The following FSTL5 variants were observed in gnomAD, a reference collection of about 807,000 sequenced individuals.
FSTL5 encodes follistatin like 5, also known as follistatin-related protein 5.
FSTL5 carries 62 observed loss-of-function variants against 89.1 expected under a neutral mutation model. The observed-to-expected ratio is 0.70, with a 90% CI of 0.57 to 0.86. The LOEUF (loss-of-function observed/expected upper bound fraction) is 0.86, where lower values mean the gene tolerates loss of function less well. FSTL5 is among the 40% of genes least tolerant of loss of function. The pLI, the probability that FSTL5 is intolerant of heterozygous loss-of-function variation, is 0.00. For synonymous variants in FSTL5, 383 were observed against 346.2 expected (o/e 1.11, Z -1.18); for missense variants, 1,057 against 1,001.6 (o/e 1.06, Z -0.75).
chr4:161,514,531 T>A (rs1730752218), intron 10 of FSTL5, among the ~76,000 whole-genome samples: 1 of 152,144 alleles, frequency 6.6e-6, no homozygotes, highest in South Asian at 2.1e-4. Flanking sequence ...CAGGTGATAG[T>A]TACACTAAAA....
intron 15 of FSTL5, among the ~76,000 whole-genome samples, chr4:161,418,067 G>T (rs1187936938): frequency 6.6e-6 from 1 of 152,140 alleles, no homozygotes; most frequent in Non-Finnish European, 1.5e-5. Context: ...CCCAATGTCT[G>T]GGTGGGTTTA....
chr4:161,735,653 G>A (rs929058397), intron 6 of FSTL5, among the ~76,000 whole-genome samples: 41 of 152,038 alleles, frequency 2.7e-4, no homozygotes, highest in Admixed American at 1.6e-3. Context: ...CATGCGTATA[G>A]TATAAATACT....
chr4:161,515,027 A>T (rs1730768298), intron 10 of FSTL5, among the ~76,000 whole-genome samples: 1 of 152,136 alleles, frequency 6.6e-6, no homozygotes, highest in Non-Finnish European at 1.5e-5. Context: ...AGATGAAGAT[A>T]ATGAATACTA....
At chr4:161,935,944 A>G (rs1013994284) in intron 3 of FSTL5, among the ~76,000 whole-genome samples, 7 of 152,168 alleles carry the variant, frequency 4.6e-5, no homozygotes, top group African/African-American at 1.7e-4. Flanking sequence ...GCACTTTAAG[A>G]GGCCAAGGCA....
chr4:161,809,999 G>C (rs1015354693), intron 4 of FSTL5, among the ~76,000 whole-genome samples: 1 of 152,062 alleles, frequency 6.6e-6, no homozygotes, highest in Non-Finnish European at 1.5e-5. Context: ...ATCATGGTTT[G>C]AATCAAAATT....
At chr4:162,007,251 T>G (rs1736639634) in intron 3 of FSTL5, among the ~76,000 whole-genome samples, 1 of 151,914 alleles carries the variant, frequency 6.6e-6, no homozygotes, top group African/African-American at 2.4e-5. Flanking sequence ...ATTAAATATT[T>G]TTAAAGAATG....
chr4:161,840,544 C>T (rs2126871231), intron 4 of FSTL5, among the ~76,000 whole-genome samples: 1 of 152,084 alleles, frequency 6.6e-6, no homozygotes, highest in East Asian at 1.9e-4. Context: ...AGTCCCAAAC[C>T]CTGTTGATAT....
chr4:161,396,870 A>T (rs538804599), intron 15 of FSTL5, among the ~76,000 whole-genome samples: 1 of 152,272 alleles, frequency 6.6e-6, no homozygotes, highest in South Asian at 2.1e-4. Flanking sequence ...TGGAATAGAA[A>T]TAAAGACAAT....
intron 15 of FSTL5, chr4:161,387,545 G>A (rs1345439696): frequency 1.3e-5 from 2 of 151,952 alleles, no homozygotes; most frequent in Admixed American, 6.6e-5. Context: ...TTTTATTTAT[G>A]TAAAAAATGA....
chr4:162,111,450 A>C, intron 1 of FSTL5, 38 bp from the exon 2 acceptor site: 2 of 1,456,382 alleles, frequency 1.4e-6, no homozygotes, highest in Non-Finnish European at 1.9e-6. Flanking sequence ...AGAGAAAATG[A>C]ATTATATATT....
intron 1 of FSTL5, among the ~76,000 whole-genome samples, chr4:162,145,474 G>A (rs747157155): frequency 2.0e-5 from 3 of 151,954 alleles, no homozygotes; most frequent in South Asian, 2.1e-4. Flanking sequence ...TGTATTTCTC[G>A]TTTTCCCTAC....
chr4:161,438,405 T>C (rs531120206), intron 15 of FSTL5, among the ~76,000 whole-genome samples: 1 of 152,252 alleles, frequency 6.6e-6, no homozygotes, highest in East Asian at 1.9e-4. Flanking sequence ...GAGCAGCTCA[T>C]TGTACTAGAT....
At chr4:161,937,736 G>T (rs41461449) in intron 3 of FSTL5, among the ~76,000 whole-genome samples, 8,264 of 152,158 alleles carry the variant, frequency 0.054, 281 homozygotes, top group Non-Finnish European at 0.08. Flanking sequence ...CCCCAAAGAG[G>T]TATTTCTGCT....
At chr4:161,556,958 G>T (rs1429717675) in intron 8 of FSTL5, among the ~76,000 whole-genome samples, 1 of 150,952 alleles carries the variant, frequency 6.6e-6, no homozygotes, top group African/African-American at 2.4e-5. Flanking sequence ...GATAAACCGA[G>T]AGTTATAAAT....
intron 4 of FSTL5, among the ~76,000 whole-genome samples, chr4:161,904,462 T>C (rs1310319772): frequency 6.6e-6 from 1 of 152,012 alleles, no homozygotes; most frequent in African/African-American, 2.4e-5. Context: ...AATTATCCAA[T>C]AAATTTATTT....
chr4:161,750,222 TAA>T (rs1740349875), intron 6 of FSTL5, among the ~76,000 whole-genome samples: 1 of 152,194 alleles, frequency 6.6e-6, no homozygotes, highest in Non-Finnish European at 1.5e-5. Context: ...ATACTTGGAA[TAA>T]AATTTTAGAT....
intron 3 of FSTL5, among the ~76,000 whole-genome samples, chr4:161,977,464 T>A (rs1225375341): frequency 6.6e-6 from 1 of 150,620 alleles, no homozygotes; most frequent in East Asian, 2.0e-4. Flanking sequence ...ATAGAAAAAA[T>A]TAGCCGGGCC....
chr4:161,836,706 T>C (rs1370203359), intron 4 of FSTL5, among the ~76,000 whole-genome samples: 4 of 151,990 alleles, frequency 2.6e-5, no homozygotes, highest in Non-Finnish European at 4.4e-5. Context: ...GGATACGTTG[T>C]TGAAGAGCAA....
At chr4:161,573,733 CAAAAAAAAAAAA>C (rs70937664) in intron 8 of FSTL5, among the ~76,000 whole-genome samples, 1 of 50,622 alleles carries the variant, frequency 2.0e-5, no homozygotes, top group Admixed American at 2.8e-4. Context: ...AACTCCAGCT[CAAAAAAAAAAAA>C]AAAAAAAAAA....
Sources: gnomAD v4.1 joint callset for allele counts (sites outside exome capture counted in the v4.1 genomes callset) on GRCh38, gnomAD v4.1.1 for gene constraint, MANE v1.5 for transcripts, NCBI Gene and HGNC (gene_info 2026-07-23, HGNC 2026-07-21) for gene names.